The following COG7 variants were observed in gnomAD, a reference collection of about 807,000 sequenced individuals.
COG7 encodes the protein conserved oligomeric Golgi complex subunit 7.
COG7 carries 49 observed loss-of-function variants against 91.5 expected under a neutral mutation model. The ratio of observed to expected loss-of-function variants is 0.54; its 90% confidence interval spans 0.43 to 0.68. COG7 has a LOEUF of 0.68. Among genes scored for constraint, COG7 ranks in the 30% least tolerant of loss-of-function variants. The pLI, the probability that COG7 is intolerant of heterozygous loss-of-function variation, is 0.00. For synonymous variants in COG7, 365 were observed against 388.7 expected (o/e 0.94, Z 0.72); for missense variants, 895 against 961.3 (o/e 0.93, Z 0.91).
intron 13 of COG7, among the ~76,000 whole-genome samples, chr16:23,402,923 A>T (rs1016774000): frequency 3.3e-5 from 5 of 152,230 alleles, no homozygotes; most frequent in African/African-American, 1.2e-4. Context: ...GGCAGAAAGG[A>T]GAGCACGTTT....
At chr16:23,439,024 G>A (rs748358020) in intron 4 of COG7, among the ~76,000 whole-genome samples, 15 of 151,500 alleles carry the variant, frequency 9.9e-5, no homozygotes, top group Non-Finnish European at 1.9e-4. Flanking sequence ...TAGGTGTGGT[G>A]GTGCGCACCT....
chr16:23,412,082 T>A (rs778607606), intron 10 of COG7, among the ~76,000 whole-genome samples: 2 of 152,188 alleles, frequency 1.3e-5, no homozygotes, highest in African/African-American at 4.8e-5. Context: ...GGTTTCACCA[T>A]GTTGGCCAGG....
intron 4 of COG7, among the ~76,000 whole-genome samples, chr16:23,436,703 G>T (rs1379949641): frequency 6.6e-6 from 1 of 152,100 alleles, no homozygotes; most frequent in Non-Finnish European, 1.5e-5. Flanking sequence ...TCCAGCCTGG[G>T]CAACAGAGTG....
At chr16:23,416,916 A>C (rs1567336619) in intron 9 of COG7, 51 bp downstream of exon 9, 3 of 1,610,658 alleles carry the variant, frequency 1.9e-6, no homozygotes, top group Middle Eastern at 1.7e-4. Flanking sequence ...TTTATCTGGG[A>C]CAGACACTGC....
intron 1 of COG7, among the ~76,000 whole-genome samples, chr16:23,446,251 T>C (rs1478252069): frequency 5.3e-5 from 8 of 151,960 alleles, no homozygotes; most frequent in Non-Finnish European, 1.5e-5. Context: ...ACCAGTGAAA[T>C]CATAACTCCA....
chr16:23,428,466 C>T (rs975707091), intron 6 of COG7, among the ~76,000 whole-genome samples: 1 of 151,820 alleles, frequency 6.6e-6, no homozygotes, highest in Non-Finnish European at 1.5e-5. Context: ...AAGGAAGATG[C>T]ACAAATGGCC....
chr16:23,411,861 G>C (rs1963568130), intron 10 of COG7, among the ~76,000 whole-genome samples: 1 of 148,840 alleles, frequency 6.7e-6, no homozygotes, highest in Non-Finnish European at 1.5e-5. Flanking sequence ...ATGGTTTTAA[G>C]AAAAAGAAAC....
intron 15 of COG7, among the ~76,000 whole-genome samples, chr16:23,392,973 C>T (rs1963225210): frequency 6.6e-6 from 1 of 152,094 alleles, no homozygotes; most frequent in South Asian, 2.1e-4. Flanking sequence ...ATACAAAATA[C>T]CATCTGCTTA....
intron 4 of COG7, among the ~76,000 whole-genome samples, chr16:23,436,988 G>A (rs1477466805): frequency 2.0e-5 from 3 of 152,174 alleles, no homozygotes; most frequent in African/African-American, 7.2e-5. Flanking sequence ...GTAAAAGTCT[G>A]GGCGCTAAGG....
chr16:23,392,622 G>A, intron 15 of COG7, 99 bp from the exon 16 acceptor site: 3 of 1,463,698 alleles, frequency 2.0e-6, no homozygotes, highest in Non-Finnish European at 2.9e-6. Flanking sequence ...GGCAAACACA[G>A]GAAACCGAAA....
chr16:23,430,323 G>A (rs775001867), intron 6 of COG7, among the ~76,000 whole-genome samples: 8 of 151,932 alleles, frequency 5.3e-5, no homozygotes, highest in Non-Finnish European at 1.0e-4. Flanking sequence ...CAGTACTCAG[G>A]AGGCTGAGAG....
chr16:23,417,231 G>A lies in COG7; in HGVS notation c.1138-110C>T. On this transcript the variant is annotated intron_variant, in intron 8 of 16. Transcript: ENST00000307149. ...TGTAGTAAAATCACTTAATAACGAT[G>A]TCAGAAATATAGTCCCAACGTTTGA... 6 of 1,165,636 alleles carry A rather than the reference G, an allele frequency of 5.1e-6. 1 individual carries two copies. The South Asian group carries it at 6.3e-5, about 12-fold the overall frequency. 72.2% of individuals were successfully genotyped at this position (1,165,636 alleles called of 1,614,324 possible). A position where few individuals can be genotyped will look rare whatever the true frequency, so the allele number is the denominator to read the frequency against.
intron 4 of COG7, 89 bp from the exon 5 acceptor site, chr16:23,434,807 G>A (rs1252328963): frequency 2.4e-6 from 2 of 844,140 alleles, no homozygotes; most frequent in Admixed American, 1.9e-5. Context: ...TGGATATATG[G>A]AAGCTAGTAT....
chr16:23,410,436 A>C, intron 10 of COG7, 76 bp from the exon 11 acceptor site: 1 of 1,255,152 alleles, frequency 8.0e-7, no homozygotes, highest in South Asian at 1.3e-5. Flanking sequence ...TGTCTTATTC[A>C]TAAAAATCCT....
At chr16:23,414,424 T>C (rs1400527727) in intron 9 of COG7, 1 of 152,226 alleles carries the variant, frequency 6.6e-6, no homozygotes, top group Non-Finnish European at 1.5e-5. Flanking sequence ...TGCATGGAAG[T>C]TCAAGACCAC....
At chr16:23,410,404 C>T (rs779735703) in intron 10 of COG7, 44 bp from the exon 11 acceptor site, 1 of 1,481,538 alleles carries the variant, frequency 6.7e-7, no homozygotes, top group Non-Finnish European at 9.4e-7. Flanking sequence ...ATCTGGAATG[C>T]CAGCCTTTAC....
At chr16:23,427,182 T>C (rs1041043914) in intron 6 of COG7, among the ~76,000 whole-genome samples, 2 of 151,928 alleles carry the variant, frequency 1.3e-5, no homozygotes, top group Admixed American at 1.3e-4. Context: ...GCCCAGGAAG[T>C]GGAGGCTGCA....
intron 11 of COG7, among the ~76,000 whole-genome samples, chr16:23,407,137 T>A (rs981915014): frequency 1.3e-5 from 2 of 152,230 alleles, no homozygotes; most frequent in Non-Finnish European, 2.9e-5. Flanking sequence ...CAAAAACAGA[T>A]CCTTGAGTTG....
intron 13 of COG7, among the ~76,000 whole-genome samples, chr16:23,403,193 C>G (rs1294339498): frequency 6.6e-6 from 1 of 152,084 alleles, no homozygotes; most frequent in Non-Finnish European, 1.5e-5. Context: ...GAAAGTGAGT[C>G]GATTCTAGAA....
Sources: allele counts gnomAD v4.1 joint callset (sites outside exome capture counted in the v4.1 genomes callset), GRCh38; gene constraint gnomAD v4.1.1; transcripts MANE v1.5; gene names NCBI Gene and HGNC (gene_info 2026-07-23, HGNC 2026-07-21).